Variants in JAKMIP3 observed in about 807,000 individuals in gnomAD.
JAKMIP3 encodes the protein Janus kinase and microtubule interacting protein 3.
In JAKMIP3, 58 loss-of-function variants were observed where a neutral mutation model predicts 118.5. The ratio of observed to expected loss-of-function variants is 0.49; its 90% CI spans 0.40 to 0.61. The LOEUF is 0.61. Among genes scored for constraint, JAKMIP3 ranks in the 20% least tolerant of loss-of-function variants. The probability of loss-of-function intolerance (pLI) is 0.00; values close to 1 mark genes in which losing one functional copy is unlikely to be tolerated. For synonymous variants in JAKMIP3, 486 were observed against 451.2 expected (o/e 1.08, Z -0.98); for missense variants, 950 against 1,109.0 (o/e 0.86, Z 2.04).
chr10:132,142,695 G>A (rs989167084), intron 11 of JAKMIP3, among the ~76,000 whole-genome samples: 5 of 152,324 alleles, frequency 3.3e-5, no homozygotes, highest in Admixed American at 6.5e-5. Flanking sequence ...TCCTCTTGCC[G>A]CCCCACCCTC....
upstream of JAKMIP3, among the ~76,000 whole-genome samples, chr10:132,062,615 A>G (rs950517111): frequency 4.6e-5 from 7 of 152,270 alleles, no homozygotes; most frequent in Non-Finnish European, 8.8e-5. Flanking sequence ...AAGGATATGT[A>G]GAGTATGATG....
At chr10:132,113,278 C>T (rs545930729) in intron 2 of JAKMIP3, among the ~76,000 whole-genome samples, 83 of 152,284 alleles carry the variant, frequency 5.5e-4, no homozygotes, top group Non-Finnish European at 8.5e-4. Context: ...GGCAGATCCC[C>T]GGGGTTGCTG....
chr10:132,091,814 A>G (rs1378725215), intron 1 of JAKMIP3, among the ~76,000 whole-genome samples: 2 of 152,150 alleles, frequency 1.3e-5, no homozygotes, highest in African/African-American at 2.4e-5. Flanking sequence ...TCCTGTCATT[A>G]TGATGTTAGT....
At chr10:132,073,883 A>G (rs537087832) in intron 1 of JAKMIP3, among the ~76,000 whole-genome samples, 27 of 152,294 alleles carry the variant, frequency 1.8e-4, no homozygotes, top group Non-Finnish European at 3.4e-4. Flanking sequence ...TGTTGGGTAG[A>G]TACCCAATGT....
intron 12 of JAKMIP3, 51 bp from the exon 13 acceptor site, chr10:132,145,467 T>A (rs760860391): frequency 4.4e-5 from 66 of 1,488,422 alleles, no homozygotes; most frequent in Admixed American, 1.2e-4. Context: ...TAAACGTTGG[T>A]TTATGAGTTC....
At chr10:132,133,094 G>A (rs1027318460) in intron 3 of JAKMIP3, among the ~76,000 whole-genome samples, 5 of 152,198 alleles carry the variant, frequency 3.3e-5, no homozygotes, top group African/African-American at 7.2e-5. Flanking sequence ...GGAGTCTCCC[G>A]CTGGCAGCAG....
At chr10:132,180,670 T>TGCGC (rs1263776257) in intron 23 of JAKMIP3, among the ~76,000 whole-genome samples, 3 of 29,918 alleles carry the variant, frequency 1.0e-4, no homozygotes, top group African/African-American at 3.5e-4. Context: ...TGTGTGCGTG[T>TGCGC]GTGTGCGCGC....
rs759155034 is a variant in JAKMIP3, at chr10:132,168,067, C to T, written c.*137C>T. On this transcript the variant is annotated 3_prime_UTR_variant, in exon 23 of 24. Transcript: ENST00000684848. ...AGATTTGGTCTCTGCACGCCCGTCC[C>T]GTGGAGGAAGAGTGAGAAGGGGCAG... The T allele has an allele frequency of 3.9e-6, 5 of 1,289,428 alleles. No individual in the cohort carries two copies. Among genetic ancestry groups the T allele is most frequent in the Middle Eastern group, 2.1e-4 (1 of 4,718 alleles). The allele number at this position is 1,289,428 out of a possible 1,614,324, so 79.9% of individuals were successfully genotyped here. A position where few individuals can be genotyped will look rare whatever the true frequency, so the allele number is the denominator to read the frequency against.
At position 132,097,977 on chromosome 10, in the gene JAKMIP3, C is replaced by T. The variant is rs1465306799; in HGVS notation, c.-137-6695C>T. 1.7e-4 allele frequency among the ~76,000 whole-genome samples: 8 copies of T among 47,844 alleles called. 2 individuals carry two copies. Among genetic ancestry groups the T allele is most frequent in the East Asian group, 1.8e-3 (2 of 1,108 alleles). The allele number at this position is 47,844 out of a possible 152,430, so 31.4% of individuals were successfully genotyped here. On this transcript the variant is annotated intron_variant, in intron 1 of 23. Coordinates refer to ENST00000684848, the MANE Select transcript of JAKMIP3 (RefSeq NM_001323087.2). ...CCCCTTTCCCTTTCCTTCCTTTTCTCCCCTTCCCCTTCCCCTTCCCCTTCC... is the reference window on the plus strand; with the variant it reads ...CCCCTTTCCCTTTCCTTCCTTTTCTTCCCTTCCCCTTCCCCTTCCCCTTCC...
intron 1 of JAKMIP3, among the ~76,000 whole-genome samples, chr10:132,085,970 T>G (rs1414103555): frequency 6.6e-6 from 1 of 152,174 alleles, no homozygotes; most frequent in Non-Finnish European, 1.5e-5. Context: ...TTAGATTGTT[T>G]GTGCTCTTGC....
intron 2 of JAKMIP3, among the ~76,000 whole-genome samples, chr10:132,108,028 G>A (rs1218803983): frequency 6.6e-6 from 1 of 152,230 alleles, no homozygotes; most frequent in African/African-American, 2.4e-5. Flanking sequence ...CTCACTGCTG[G>A]CTTACACTGG....
intron 1 of JAKMIP3, among the ~76,000 whole-genome samples, chr10:132,097,803 A>G (rs2044103796): frequency 6.6e-6 from 1 of 150,672 alleles, no homozygotes; most frequent in Non-Finnish European, 1.5e-5. Flanking sequence ...AAAATTTAGA[A>G]TTTTAATGCA....
chr10:132,042,194 C>CCTTCCTTCCTTCCTTCCTTCCTTG (rs2037781411), intron 1 of JAKMIP3, among the ~76,000 whole-genome samples: 1 of 148,498 alleles, frequency 6.7e-6, no homozygotes, highest in Non-Finnish European at 1.5e-5. Flanking sequence ...CTCCTTCCTT[C>CCTTCCTTCCTTCCTTCCTTCCTTG]CTTCCTTCCT....
chr10:132,085,109 CTCTT>C (rs201399477), intron 1 of JAKMIP3, among the ~76,000 whole-genome samples: 2,892 of 152,244 alleles, frequency 0.019, 84 homozygotes, highest in African/African-American at 0.066. Context: ...AGAGGATTCT[CTCTT>C]TCTCTATTTT....
At chr10:132,170,497 G>A (rs537007637) in intron 23 of JAKMIP3, among the ~76,000 whole-genome samples, 12 of 152,280 alleles carry the variant, frequency 7.9e-5, no homozygotes, top group Admixed American at 2.6e-4. Flanking sequence ...AGGGGACGCC[G>A]GGTCAGGAGA....
At chr10:132,136,955 C>A (rs1291198428) in intron 6 of JAKMIP3, 64 bp from the exon 7 acceptor site, 1 of 1,559,626 alleles carries the variant, frequency 6.4e-7, no homozygotes, top group Non-Finnish European at 8.7e-7. Context: ...CCCCCGCCGA[C>A]CCACTGTGTT....
chr10:132,132,454 C>A (rs2050822786), intron 3 of JAKMIP3, among the ~76,000 whole-genome samples: 1 of 152,162 alleles, frequency 6.6e-6, no homozygotes, highest in South Asian at 2.1e-4. Flanking sequence ...ACATTCCTGC[C>A]CGGAAGCGGG....
At chr10:132,149,024 A>G (rs996412267) in intron 14 of JAKMIP3, among the ~76,000 whole-genome samples, 2 of 152,154 alleles carry the variant, frequency 1.3e-5, no homozygotes, top group Non-Finnish European at 2.9e-5. Context: ...CAGCACTGCC[A>G]GCCTGTGTTC....
chr10:132,167,848 C>T (rs1373378894), intron 22 of JAKMIP3, 105 bp from the exon 23 acceptor site: 4 of 801,770 alleles, frequency 5.0e-6, no homozygotes, highest in Middle Eastern at 3.1e-4. Flanking sequence ...CCTCGCCCCT[C>T]GCCCCTCACC....
Sources: gnomAD v4.1 joint callset for allele counts (sites outside exome capture counted in the v4.1 genomes callset) on GRCh38, gnomAD v4.1.1 for gene constraint, MANE v1.5 for transcripts, NCBI Gene and HGNC (gene_info 2026-07-23, HGNC 2026-07-21) for gene names.